EFTUD2: variants seen among roughly 807,000 people sequenced by gnomAD.
EFTUD2 encodes elongation factor Tu GTP binding domain containing 2.
A neutral mutation model predicts 114.3 loss-of-function variants in EFTUD2; 9 were observed. The ratio of observed to expected loss-of-function variants is 0.08; its 90% CI spans 0.05 to 0.14. The LOEUF is 0.14. Among genes scored for constraint, EFTUD2 ranks in the 10% least tolerant of loss-of-function variants. The pLI, the probability that EFTUD2 is intolerant of heterozygous loss-of-function variation, is 1.00. For missense variants in EFTUD2, 765 were observed against 1,241.2 expected (o/e 0.62, Z 5.76); for synonymous variants, 449 against 462.3 (o/e 0.97, Z 0.37).
chr17:44,898,177 C>T (rs1279676456), intron 1 of EFTUD2, among the ~76,000 whole-genome samples: 2 of 152,080 alleles, frequency 1.3e-5, no homozygotes, highest in Non-Finnish European at 2.9e-5. Flanking sequence ...ATCTCATTCT[C>T]CCAAGACCCC....
At chr17:44,874,535 G>C (rs1018852746) in intron 10 of EFTUD2, among the ~76,000 whole-genome samples, 1 of 152,156 alleles carries the variant, frequency 6.6e-6, no homozygotes, top group Non-Finnish European at 1.5e-5. Flanking sequence ...TAAATGGAGA[G>C]GCATTCTTTC....
intron 20 of EFTUD2, among the ~76,000 whole-genome samples, chr17:44,856,766 A>C (rs1227666235): frequency 1.3e-5 from 2 of 151,774 alleles, no homozygotes; most frequent in Admixed American, 6.6e-5. Context: ...GTCAAAAAAA[A>C]AAAAAACAAA....
intron 16 of EFTUD2, among the ~76,000 whole-genome samples, chr17:44,861,410 A>C (rs1475713558): frequency 7.7e-6 from 1 of 129,328 alleles, no homozygotes; most frequent in Non-Finnish European, 1.6e-5. Context: ...ACGCCATTGC[A>C]CTCCAGCCTG....
Position 44,870,866 on chromosome 17 carries a change from A to C in EFTUD2, c.994+1580T>G, listed in dbSNP as rs575129314. On this transcript the variant is annotated intron_variant, in intron 11 of 27. Transcript: ENST00000426333. ...AACCCCATCTCTACTAAAAATACAA[A>C]AATTAGCTGGGCATGGTGGCATGTA... Among the ~76,000 whole-genome samples, 48 of 152,084 alleles carry C rather than the reference A, an allele frequency of 3.2e-4. No homozygotes were observed. In the South Asian group the frequency reaches 6.7e-3, roughly 21 times the overall value.
At chr17:44,860,586 C>T (rs1329002911) in intron 16 of EFTUD2, 43 bp from the exon 17 acceptor site, 1 of 1,088,092 alleles carries the variant, frequency 9.2e-7, no homozygotes, top group African/African-American at 1.6e-5. Context: ...TTAGGCAGAG[C>T]ATTCCCTAAT....
chr17:44,860,756 T>C (rs1311679041), intron 16 of EFTUD2, among the ~76,000 whole-genome samples: 1 of 152,012 alleles, frequency 6.6e-6, no homozygotes. Flanking sequence ...CACACTAACA[T>C]GCCCAACTAA....
chr17:44,895,542 AT>A (rs2051368349), intron 1 of EFTUD2, among the ~76,000 whole-genome samples: 4 of 151,904 alleles, frequency 2.6e-5, no homozygotes. Flanking sequence ...AGCCATGCAT[AT>A]TCATTTGCAT....
intron 12 of EFTUD2, 145 bp downstream of exon 12, chr17:44,868,142 C>A (rs553761488): frequency 2.1e-4 from 178 of 855,098 alleles, no homozygotes; most frequent in Non-Finnish European, 2.9e-4. Flanking sequence ...GAAGCCAACC[C>A]ATTTAGGGGA....
Position 44,886,707 on chromosome 17 carries a change from T to A in EFTUD2, c.149A>T (p.Asp50Val), listed in dbSNP as rs906449968. 5.0e-6 allele frequency: 8 copies of A among 1,614,192 alleles called. No individual in the cohort carries two copies. Among genetic ancestry groups the A allele is most frequent in the Non-Finnish European group, 6.8e-6 (8 of 1,180,020 alleles). ...DDDDDVGDHDDDHPGMEVVLH... is the reference protein window; with the variant it reads ...DDDDDVGDHDVDHPGMEVVLH... The stretch of plus-strand genomic sequence containing the variant: ...CACCACCTCCATCCCAGGGTGGTCA[T>A]CGTCATGATCTCCTACGTCATCGTC... The change falls in exon 3 of 28, where the codon GAT becomes GTT. Residue 50 changes from aspartate (D) to valine (V), a missense_variant. Asp to Val is a radical substitution (Grantham distance 152). Transcript: ENST00000426333.
chr17:44,886,339 C>T (rs755625178), intron 3 of EFTUD2, among the ~76,000 whole-genome samples: 3 of 152,112 alleles, frequency 2.0e-5, no homozygotes, highest in Non-Finnish European at 4.4e-5. Context: ...ATAAACTTAA[C>T]GACAGTCTTC....
At chr17:44,893,156 C>G (rs1056622222) in intron 2 of EFTUD2, among the ~76,000 whole-genome samples, 2 of 149,300 alleles carry the variant, frequency 1.3e-5, no homozygotes, top group African/African-American at 4.9e-5. Flanking sequence ...GAGTCTCACT[C>G]TTGTTGCCCA....
chr17:44,863,550 A>T (rs1040915033), intron 15 of EFTUD2, 105 bp downstream of exon 15: 4 of 1,486,960 alleles, frequency 2.7e-6, no homozygotes, highest in Non-Finnish European at 3.6e-6. Flanking sequence ...GGGGATGGGG[A>T]GGCAAGGGTG....
In EFTUD2 at chr17:44,867,793, C is replaced by G; in HGVS notation, c.1149+14G>C. 1 of 1,564,324 alleles carries G rather than the reference C, an allele frequency of 6.4e-7. No homozygotes were observed. Among genetic ancestry groups the G allele is most frequent in the South Asian group, 1.2e-5 (1 of 84,238 alleles). ...ATAAGAGCAGATCTGCCCAGTGTGA[C>G]CTGACACACTCACCTGGGCGAGGAT... On this transcript the variant is annotated intron_variant, in intron 13 of 27. Coordinates refer to ENST00000426333, the MANE Select transcript of EFTUD2 (RefSeq NM_004247.4).
rs372838025 is a variant in EFTUD2, at chr17:44,854,586, G to A, written c.2229C>T (p.Asn743=). ...AGGGCAGAGTATCATCCACCAGAAT[G>A]TTGGGGCCAGTCGCATCAGGGCCAA... ...WAFGPDATGP[N]ILVDDTLPSE... Residue 743 remains asparagine, a synonymous_variant, in exon 22 of 28, where the codon AAC becomes AAT. Coordinates refer to ENST00000426333, the MANE Select transcript of EFTUD2 (RefSeq NM_004247.4). The surrounding 1 kb of genome is among the most constrained non-coding windows in gnomAD (Gnocchi z 4.3). The A allele has an allele frequency of 1.4e-5, 22 of 1,614,094 alleles. No individual in the cohort carries two copies. Among genetic ancestry groups the A allele is most frequent in the Middle Eastern group, 1.6e-4 (1 of 6,084 alleles).
At chr17:44,880,973 AAAG>A (rs2051062370) in intron 7 of EFTUD2, among the ~76,000 whole-genome samples, 1 of 152,242 alleles carries the variant, frequency 6.6e-6, no homozygotes, top group Non-Finnish European at 1.5e-5. Context: ...TTGAAAGTAA[AAAG>A]AAACAATCTG....
At chr17:44,864,805 A>G in intron 14 of EFTUD2, 125 bp downstream of exon 14, 1 of 1,420,056 alleles carries the variant, frequency 7.0e-7, no homozygotes, top group Non-Finnish European at 9.6e-7. Flanking sequence ...CTGCATCTGA[A>G]TCTGTGGTTT....
chr17:44,855,134 G>A (rs772726419), intron 20 of EFTUD2, 130 bp from the exon 21 acceptor site: 79 of 782,730 alleles, frequency 1.0e-4, no homozygotes, highest in Non-Finnish European at 1.6e-4. Flanking sequence ...CAAGCGTGGT[G>A]GTTCAGACCT....
chr17:44,851,927 AT>A (rs2145429518), intron 26 of EFTUD2, 110 bp from the exon 27 acceptor site: 9 of 1,006,408 alleles, frequency 8.9e-6, no homozygotes, highest in Admixed American at 3.0e-5. Flanking sequence ...ACTTATTATT[AT>A]TTTTTTGAGA....
chr17:44,894,628 T>C, intron 1 of EFTUD2, 103 bp from the exon 2 acceptor site: 1 of 803,382 alleles, frequency 1.2e-6, no homozygotes, highest in Non-Finnish European at 2.1e-6. Flanking sequence ...GCCATACCCC[T>C]TTCACATGCC....
Sources: gnomAD v4.1 joint callset for allele counts (sites outside exome capture counted in the v4.1 genomes callset) on GRCh38, gnomAD v4.1.1 for gene constraint, Gnocchi (gnomAD v3.1) non-coding constraint, MANE v1.5 for transcripts, NCBI Gene and HGNC (gene_info 2026-07-23, HGNC 2026-07-21) for gene names.